The following ZFR variants were observed in gnomAD, a reference collection of about 807,000 sequenced individuals.
ZFR encodes the protein zinc finger RNA-binding protein.
In ZFR, 19 loss-of-function variants were observed where a neutral mutation model predicts 130.7. That is an observed-to-expected ratio of 0.15 (90% confidence interval 0.10 to 0.21). ZFR has a LOEUF of 0.21. Ranked by LOEUF, ZFR falls within the 10% of genes least tolerant of loss-of-function variation. The pLI is 1.00. For synonymous variants in ZFR, 466 were observed against 456.9 expected (o/e 1.02, Z -0.25); for missense variants, 872 against 1,321.5 (o/e 0.66, Z 5.27).
intron 2 of ZFR, among the ~76,000 whole-genome samples, chr5:32,431,148 A>G (rs1412739190): frequency 6.6e-6 from 1 of 152,224 alleles, no homozygotes; most frequent in Non-Finnish European, 1.5e-5. Flanking sequence ...TTTACTTTAG[A>G]AAGAATAAAA....
At chr5:32,441,112 T>C (rs1045638805) in intron 2 of ZFR, among the ~76,000 whole-genome samples, 14 of 152,266 alleles carry the variant, frequency 9.2e-5, no homozygotes, top group African/African-American at 3.1e-4. Flanking sequence ...TAGCTGGGAT[T>C]ACAGGTGCCC....
intron 1 of ZFR, 129 bp from the exon 2 acceptor site, chr5:32,444,457 G>A: frequency 7.7e-7 from 1 of 1,290,580 alleles, no homozygotes. Context: ...CCCAGGCCGC[G>A]GCCGCGCCGC....
At chr5:32,413,614 A>C (rs913743662) in intron 5 of ZFR, among the ~76,000 whole-genome samples, 1 of 152,156 alleles carries the variant, frequency 6.6e-6, no homozygotes, top group Non-Finnish European at 1.5e-5. Flanking sequence ...TAAGAGAGAA[A>C]CAATGAACAG....
At chr5:32,404,894 G>C (rs997863251) in intron 6 of ZFR, among the ~76,000 whole-genome samples, 1 of 151,994 alleles carries the variant, frequency 6.6e-6, no homozygotes, top group Non-Finnish European at 1.5e-5. Context: ...TTGGGTCACC[G>C]CAATCTCCAC....
chr5:32,402,612 A>AG (rs1753478962), intron 8 of ZFR, among the ~76,000 whole-genome samples: 1 of 142,616 alleles, frequency 7.0e-6, no homozygotes. Context: ...ACCAAAAAAA[A>AG]GAAAAAAAAA....
At chr5:32,373,811 G>A (rs1284803624) in intron 17 of ZFR, among the ~76,000 whole-genome samples, 1 of 152,082 alleles carries the variant, frequency 6.6e-6, no homozygotes, top group East Asian at 1.9e-4. Context: ...GTTGTTATAT[G>A]TAAATGATTT....
In ZFR at chr5:32,432,212, A is replaced by G. The variant is rs978062789; in HGVS notation, c.137+12017T>C. ...GTTGAGCTGGGGATGTTGAGGGTAC[A>G]GTGAACTTTGATTGCGCCACTGCAA... On this transcript the variant is annotated intron_variant, in intron 2 of 19. Coordinates refer to ENST00000265069, the MANE Select transcript of ZFR (RefSeq NM_016107.5). Among the ~76,000 whole-genome samples the G allele has an allele frequency of 4.6e-5, 7 of 152,282 alleles. No homozygotes were observed. The East Asian group carries it at 1.2e-3, about 25-fold the overall frequency.
chr5:32,424,172 C>A (rs1483370397), intron 2 of ZFR, among the ~76,000 whole-genome samples: 1 of 152,098 alleles, frequency 6.6e-6, no homozygotes, highest in Non-Finnish European at 1.5e-5. Flanking sequence ...AGAAAGATAT[C>A]CAGAAAAACA....
At position 32,364,272 on chromosome 5, in the gene ZFR, T is replaced by C. The variant is rs1752492873; in HGVS notation, c.2839A>G (p.Met947Val). The change falls in exon 18 of 20, where the codon ATG (methionine) becomes GTG (valine). Residue 947 changes from methionine to valine, a missense_variant. This residue lies in a region of ZFR where 158 missense variants were observed against 264.0 expected (regional missense o/e 0.60). Transcript: ENST00000265069. ...PTWSDFPSWA[M>V]ELLVEKAISS... The stretch of plus-strand genomic sequence containing the variant: ...ATTGCTTTCTCTACTAGTAACTCCA[T>C]AGCCTAAAAATACAACATAAAAATG... 5.7e-6 allele frequency: 9 copies of C among 1,588,982 alleles called. No homozygotes were observed. The highest frequency in any genetic ancestry group is 4.6e-5 in the South Asian group (4 of 87,718).
chr5:32,439,429 G>C (rs1754410892), intron 2 of ZFR, among the ~76,000 whole-genome samples: 1 of 152,130 alleles, frequency 6.6e-6, no homozygotes, highest in African/African-American at 2.4e-5. Flanking sequence ...AAGGAAAAAA[G>C]GAAAACTCAT....
Position 32,444,645 on chromosome 5 carries a change from C to T in ZFR, c.14G>A (p.Cys5Tyr), listed in dbSNP as rs1204737640. ...ACCATAGGTGAAAGAAACTACAGGG[C>T]ATATGGGAATCATGGGCTCGGGCTG... The part of the protein sequence containing the change: MIPI[C>Y]PVVSFTYVPS... Residue 5 changes from cysteine (C) to tyrosine (Y), a missense_variant, in exon 1 of 20, where the codon TGC becomes TAC. Cys to Tyr is a radical substitution (Grantham distance 194). Coordinates refer to ENST00000265069, the MANE Select transcript of ZFR (RefSeq NM_016107.5). 6.6e-7 allele frequency: 1 copy of T among 1,511,176 alleles called. No individual in the cohort carries two copies. Among genetic ancestry groups the T allele is most frequent in the South Asian group, 1.3e-5 (1 of 79,378 alleles). 93.6% of individuals were successfully genotyped at this position (1,511,176 alleles called of 1,614,324 possible). A position where few individuals can be genotyped will look rare whatever the true frequency, so the allele number is the denominator to read the frequency against.
At position 32,412,478 on chromosome 5, in the gene ZFR, T is replaced by A. The variant is rs1753734374; in HGVS notation, c.784+2491A>T. On this transcript the variant is annotated intron_variant, in intron 5 of 19. Transcript: ENST00000265069. ...AATGGCAACCAAATACAATCCATGA[T>A]CCTTGACTAGATTCTCAATTTCAAA... Among the ~76,000 whole-genome samples the A allele has an allele frequency of 1.3e-5, 2 of 152,190 alleles. 1 individual carries two copies. Among genetic ancestry groups the A allele is most frequent in the South Asian group, 4.1e-4 (2 of 4,832 alleles).
chr5:32,405,545 C>A (rs375249001), intron 6 of ZFR, among the ~76,000 whole-genome samples: 1 of 152,308 alleles, frequency 6.6e-6, no homozygotes, highest in South Asian at 2.1e-4. Flanking sequence ...ATCACCCAAG[C>A]GTCACGCTGT....
At chr5:32,380,635 C>T (rs1752914491) in intron 15 of ZFR, among the ~76,000 whole-genome samples, 1 of 147,698 alleles carries the variant, frequency 6.8e-6, no homozygotes, top group Admixed American at 7.1e-5. Context: ...AATGAAGAAC[C>T]CAAAACAGGC....
At chr5:32,423,893 AATG>A (rs1754010337) in intron 2 of ZFR, among the ~76,000 whole-genome samples, 1 of 152,212 alleles carries the variant, frequency 6.6e-6, no homozygotes, top group Admixed American at 6.5e-5. Flanking sequence ...TTCAAGGGAA[AATG>A]ATTACTAATG....
intron 9 of ZFR, among the ~76,000 whole-genome samples, chr5:32,399,543 C>G (rs1313464404): frequency 6.6e-6 from 1 of 152,222 alleles, no homozygotes; most frequent in Non-Finnish European, 1.5e-5. Context: ...ACTGAGTTTA[C>G]TTTACCTGTA....
intron 17 of ZFR, 62 bp from the exon 18 acceptor site, chr5:32,364,337 T>A: frequency 7.3e-7 from 1 of 1,371,978 alleles, no homozygotes; most frequent in Non-Finnish European, 1.0e-6. Context: ...ATTTTCAAAC[T>A]AAAATTTTAA....
At chr5:32,369,344 C>A (rs1462336822) in intron 17 of ZFR, among the ~76,000 whole-genome samples, 1 of 152,108 alleles carries the variant, frequency 6.6e-6, no homozygotes, top group Admixed American at 6.5e-5. Flanking sequence ...GTATTACTTA[C>A]AAATACCTCT....
intron 2 of ZFR, among the ~76,000 whole-genome samples, chr5:32,432,885 T>C (rs949075423): frequency 1.1e-4 from 16 of 148,374 alleles, no homozygotes; most frequent in Admixed American, 9.0e-4. Flanking sequence ...TACTCCACCA[T>C]GCCTGGCTAA....
Sources: allele counts gnomAD v4.1 joint callset (sites outside exome capture counted in the v4.1 genomes callset), GRCh38; gene constraint gnomAD v4.1.1; regional missense constraint gnomAD v4.1.1; transcripts MANE v1.5; gene names NCBI Gene and HGNC (gene_info 2026-07-23, HGNC 2026-07-21).